Variants in ZNF331 observed in about 807,000 individuals in gnomAD.
The protein encoded by ZNF331 is C2H2-like zinc finger protein rearranged in thyroid adenomas.
Under a neutral mutation model 7.0 loss-of-function variants are expected in ZNF331, and 2 were observed. The ratio of observed to expected loss-of-function variants is 0.29; its 90% CI spans 0.12 to 0.90. ZNF331 has a LOEUF of 0.90. Among genes scored for constraint, ZNF331 ranks in the 40% least tolerant of loss-of-function variants. The pLI is 0.58. For synonymous variants in ZNF331, 196 were observed against 205.4 expected (o/e 0.95, Z 0.39); for missense variants, 432 against 587.7 (o/e 0.74, Z 2.74).
chr19:53,508,272 T>C, the ZNF331 span, among the ~76,000 whole-genome samples: 2 of 152,100 alleles, frequency 1.3e-5, no homozygotes, highest in African/African-American at 4.8e-5. Context: ...GCAGAATGAG[T>C]GCATTGGACT....
At chr19:53,567,877 C>G (rs991303704) in intron 3 of ZNF331, among the ~76,000 whole-genome samples, 2 of 151,474 alleles carry the variant, frequency 1.3e-5, no homozygotes, top group Admixed American at 6.6e-5. Context: ...CTAAAAGGAC[C>G]CACAGAATTC....
At chr19:53,546,134 G>A (rs974664818) in intron 2 of ZNF331, among the ~76,000 whole-genome samples, 4 of 45,500 alleles carry the variant, frequency 8.8e-5, no homozygotes, top group Non-Finnish European at 1.7e-4. Context: ...AAAGCATCCT[G>A]AGGGGGAAAA....
rs1321542165 is a variant in ZNF331 at position 53,571,999 on chromosome 19, C to T, written c.136+269C>T. ...GAATTCTGGGATATTTATTTCATGA[C>T]CATCTTCAAAGGAGCCAGTTTGTCC... On this transcript the variant is annotated intron_variant, in intron 5 of 5. Coordinates refer to ENST00000449416, the MANE Select transcript of ZNF331 (RefSeq NM_001079906.2). The surrounding 1 kb of genome is among the most constrained non-coding windows in gnomAD (Gnocchi z 4.7). 6.6e-6 allele frequency among the ~76,000 whole-genome samples: 1 copy of T among 152,112 alleles called. No individual in the cohort carries two copies. Among genetic ancestry groups the T allele is most frequent in the Admixed American group, 6.6e-5 (1 of 15,256 alleles).
At chr19:53,517,829 C>G (rs1257506735), upstream of ZNF331, among the ~76,000 whole-genome samples, 2 of 152,326 alleles carry the variant, frequency 1.3e-5, no homozygotes, top group African/African-American at 2.4e-5. Flanking sequence ...AGCAAACCAC[C>G]AGTGGTCCAG....
chr19:53,520,712 G>A (rs1304952115), upstream of ZNF331, among the ~76,000 whole-genome samples: 1 of 152,226 alleles, frequency 6.6e-6, no homozygotes. Context: ...CATTAGGGCC[G>A]TGTGCAGTTG....
intron 2 of ZNF331, among the ~76,000 whole-genome samples, chr19:53,528,127 A>G (rs2087378663): frequency 6.6e-6 from 1 of 152,220 alleles, no homozygotes; most frequent in African/African-American, 2.4e-5. Context: ...CTCTTCTCAG[A>G]TTAGATTCTT....
chr19:53,559,001 T>A (rs533691627), intron 3 of ZNF331, among the ~76,000 whole-genome samples: 3 of 149,528 alleles, frequency 2.0e-5, no homozygotes, highest in Admixed American at 1.3e-4. Context: ...ACCCCATATA[T>A]ACACACATAT....
chr19:53,516,842 A>T (rs1385768045), upstream of ZNF331, among the ~76,000 whole-genome samples: 1 of 152,248 alleles, frequency 6.6e-6, no homozygotes, highest in Non-Finnish European at 1.5e-5. Flanking sequence ...TTTAAAAATT[A>T]AAAAACAGGT....
the ZNF331 span, among the ~76,000 whole-genome samples, chr19:53,508,400 CA>C: frequency 1.3e-5 from 2 of 152,202 alleles, no homozygotes; most frequent in African/African-American, 2.4e-5. Context: ...TTCACTCTGA[CA>C]TACTGAGTCT....
chr19:53,506,342 A>C, the ZNF331 span, among the ~76,000 whole-genome samples: 1 of 150,124 alleles, frequency 6.7e-6, no homozygotes, highest in East Asian at 2.0e-4. Context: ...CTCAAAAAAA[A>C]AAAAAAAAAA....
chr19:53,577,799 T>C lies in ZNF331; in HGVS notation c.1239T>C (p.Cys413=). ...RIHTGVKPYG[C]TECGKSFSHG... is the part of the protein sequence containing the mutation. ...ATACCGGGGTGAAACCCTATGGGTGTACAGAATGTGGGAAGAGCTTTAGTC... is the reference window on the plus strand; with the variant it reads ...ATACCGGGGTGAAACCCTATGGGTGCACAGAATGTGGGAAGAGCTTTAGTC... Residue 413 remains cysteine (C), a synonymous_variant, in exon 6 of 6, where the codon TGT becomes TGC. Coordinates refer to ENST00000449416, the MANE Select transcript of ZNF331 (RefSeq NM_001079906.2). The C allele has an allele frequency of 6.2e-7, 1 of 1,614,038 alleles. No individual in the cohort carries two copies. The highest frequency in any genetic ancestry group is 8.5e-7 in the Non-Finnish European group (1 of 1,180,018).
Position 53,576,895 on chromosome 19 carries a change from C to A in ZNF331, c.335C>A (p.Ala112Asp), listed in dbSNP as rs2090751382. Residue 112 changes from alanine (A) to aspartate (D), a missense_variant, in exon 6 of 6, where the codon GCT (alanine) becomes GAT (aspartate). Physicochemically the swap from Ala to Asp is moderately radical, Grantham distance 126. This residue lies in a region of ZNF331 where 81 missense variants were observed against 70.3 expected (regional missense o/e 1.15). Coordinates refer to ENST00000449416, the MANE Select transcript of ZNF331 (RefSeq NM_001079906.2). ...QMIINYVKRP[A>D]TREGTPPRTH... is the part of the protein sequence containing the mutation. The stretch of plus-strand genomic sequence containing the variant: ...ATCATCAATTATGTCAAAAGACCTG[C>A]TACTAGAGAAGGCACCCCTCCTAGA... 4 of 1,613,962 alleles carry A rather than the reference C, an allele frequency of 2.5e-6. No homozygotes were observed. In the African/African-American group the frequency reaches 5.3e-5, roughly 22 times the overall value.
chr19:53,569,361 C>G lies in ZNF331; in HGVS notation c.-16C>G. ...GAAACCCCGAGAAGACTGATCAGTT[C>G]TTCAGTTCTAAAACAATGGCCCAGG... On this transcript the variant is annotated 5_prime_UTR_variant, in exon 4 of 6. Transcript: ENST00000449416. 6.2e-7 allele frequency: 1 copy of G among 1,613,820 alleles called. No individual in the cohort carries two copies. The highest frequency in any genetic ancestry group is 8.5e-7 in the Non-Finnish European group (1 of 1,179,844).
chr19:53,565,770 C>T (rs2090123613), intron 3 of ZNF331, among the ~76,000 whole-genome samples: 1 of 152,024 alleles, frequency 6.6e-6, no homozygotes, highest in South Asian at 2.1e-4. Flanking sequence ...CTCAGGTGAT[C>T]CGCCCGCCTC....
At chr19:53,519,530 G>C (rs1207795309), upstream of ZNF331, among the ~76,000 whole-genome samples, 1 of 152,170 alleles carries the variant, frequency 6.6e-6, no homozygotes, top group Non-Finnish European at 1.5e-5. Flanking sequence ...AAAGGTCCAA[G>C]GAACATCCTG....
At chr19:53,534,088 G>A (rs73935650), upstream of ZNF331, among the ~76,000 whole-genome samples, 2,161 of 152,302 alleles carry the variant, frequency 0.014, 52 homozygotes, top group African/African-American at 0.049. Context: ...TAAGACAACT[G>A]TATTGCTGAG....
intron 5 of ZNF331, among the ~76,000 whole-genome samples, chr19:53,572,984 TG>T (rs951240867): frequency 2.4e-4 from 37 of 152,106 alleles, no homozygotes; most frequent in Admixed American, 7.9e-4. Context: ...TTTGGGAGGC[TG>T]AGGTGGGCGG....
At chr19:53,548,258 C>A (rs2088755394) in intron 2 of ZNF331, among the ~76,000 whole-genome samples, 1 of 152,114 alleles carries the variant, frequency 6.6e-6, no homozygotes, top group African/African-American at 2.4e-5. Context: ...CAGGCGCGTG[C>A]CACCACGCCC....
In ZNF331 at chr19:53,544,500, A is replaced by C. The variant is rs867736311; in HGVS notation, c.-138+5218A>C. 8.8e-3 allele frequency among the ~76,000 whole-genome samples: 1,318 copies of C among 149,642 alleles called. 27 individuals are homozygous for C. Among genetic ancestry groups the C allele is most frequent in the African/African-American group, 0.031 (1,248 of 40,644 alleles). ...ACAGAGCTTGCAGTGAGCCGAGATC[A>C]CGCCACTGCACTCCAGCCTGGGCGA... On this transcript the variant is annotated intron_variant, in intron 2 of 5. Transcript: ENST00000449416.
Sources: allele counts gnomAD v4.1 joint callset (sites outside exome capture counted in the v4.1 genomes callset), GRCh38; gene constraint gnomAD v4.1.1; regional missense constraint gnomAD v4.1.1; non-coding constraint Gnocchi (gnomAD v3.1); transcripts MANE v1.5; gene names NCBI Gene and HGNC (gene_info 2026-07-23, HGNC 2026-07-21).